NR2F1-AS1: variants seen among roughly 807,000 people sequenced by gnomAD.
The protein encoded by NR2F1-AS1 is NR2F1 antisense RNA 1.
At chr5:93,584,262 C>A, upstream of NR2F1-AS1, 1 of 149,250 alleles carries the variant, frequency 6.7e-6, no homozygotes, top group South Asian at 1.9e-4. Context: ...CAGCGGCGCT[C>A]GCCGCAGCAG....
chr5:93,483,785 T>C (rs781609259), intron 4 of NR2F1-AS1, among the ~76,000 whole-genome samples: 7 of 152,100 alleles, frequency 4.6e-5, no homozygotes, highest in Admixed American at 2.0e-4. Flanking sequence ...AAACACAGCA[T>C]AAGAACTTCG....
At chr5:93,571,498 C>T (rs192777450) in intron 1 of NR2F1-AS1, among the ~76,000 whole-genome samples, 1 of 150,700 alleles carries the variant, frequency 6.6e-6, no homozygotes, top group Non-Finnish European at 1.5e-5. Context: ...CACATGGAGA[C>T]TGACACACTT....
At position 93,496,841 on chromosome 5, in the gene NR2F1-AS1, G is replaced by A. The variant is rs568945911; in HGVS notation, n.638+56920C>T. Among the ~76,000 whole-genome samples, 552 of 152,212 alleles carry A rather than the reference G, an allele frequency of 3.6e-3. 3 individuals carry two copies. The highest frequency in any genetic ancestry group is 6.2e-3 in the Non-Finnish European group (423 of 68,004). On this transcript the variant is annotated intron_variant and non_coding_transcript_variant, in intron 4 of 5. Coordinates refer to ENST00000660523, the Ensembl canonical transcript of NR2F1-AS1. Reference sequence around the variant, plus strand: ...ATTCTTGGATGTATAATAAAGAGACGGTCACATCTTTGCCAGCAAAAGAAA... The same window carrying A: ...ATTCTTGGATGTATAATAAAGAGACAGTCACATCTTTGCCAGCAAAAGAAA...
intron 4 of NR2F1-AS1, among the ~76,000 whole-genome samples, chr5:93,457,120 C>G (rs1354966404): frequency 1.3e-5 from 2 of 152,146 alleles, no homozygotes; most frequent in Non-Finnish European, 2.9e-5. Context: ...TGCAAAGAGG[C>G]CTTCCTCTTT....
At chr5:93,432,559 G>T (rs763923107) in intron 4 of NR2F1-AS1, 1 of 152,174 alleles carries the variant, frequency 6.6e-6, no homozygotes, top group Non-Finnish European at 1.5e-5. Context: ...CCAATCACTT[G>T]TGTCCTGGAG....
At chr5:93,493,518 G>C (rs1479416555) in intron 4 of NR2F1-AS1, among the ~76,000 whole-genome samples, 4 of 152,148 alleles carry the variant, frequency 2.6e-5, no homozygotes, top group Admixed American at 6.6e-5. Flanking sequence ...ATATGGAACT[G>C]TACAGAACCC....
intron 4 of NR2F1-AS1, among the ~76,000 whole-genome samples, chr5:93,504,755 A>G (rs1249240516): frequency 2.0e-5 from 3 of 152,122 alleles, no homozygotes; most frequent in Admixed American, 1.3e-4. Context: ...AGCACAGGAA[A>G]GATCAGCCCC....
intron 4 of NR2F1-AS1, among the ~76,000 whole-genome samples, chr5:93,493,533 T>C (rs887445503): frequency 1.3e-5 from 2 of 151,980 alleles, no homozygotes; most frequent in African/African-American, 4.8e-5. Flanking sequence ...GAACCCCAAA[T>C]AGCCAAAACA....
chr5:93,475,247 A>G (rs1160858575), intron 4 of NR2F1-AS1, among the ~76,000 whole-genome samples: 2 of 152,208 alleles, frequency 1.3e-5, no homozygotes, highest in East Asian at 3.9e-4. Flanking sequence ...ATATGATCCA[A>G]AAAGTTAAAA....
intron 4 of NR2F1-AS1, among the ~76,000 whole-genome samples, chr5:93,430,208 G>C (rs547485944): frequency 6.6e-6 from 1 of 152,180 alleles, no homozygotes; most frequent in Non-Finnish European, 1.5e-5. Context: ...TCAAAGTGGC[G>C]GGGGATGTCA....
intron 4 of NR2F1-AS1, among the ~76,000 whole-genome samples, chr5:93,425,528 A>G (rs1279871782): frequency 6.6e-6 from 1 of 152,196 alleles, no homozygotes; most frequent in African/African-American, 2.4e-5. Context: ...TAGAAGCAGG[A>G]AAGGGAAATT....
At position 93,507,331 on chromosome 5, in the gene NR2F1-AS1, TTTTG is replaced by T. The variant is rs1751206225; in HGVS notation, n.638+46426_638+46429del. Among the ~76,000 whole-genome samples the T allele has an allele frequency of 1.1e-3, 7 of 6,504 alleles. No homozygotes were observed. In the South Asian group the frequency reaches 0.044, roughly 41 times the overall value. The allele number at this position is 6,504 out of a possible 152,430, so 4.3% of individuals were successfully genotyped here. ...CCAGTTTTTTGGGATTTGGGGTTTT[TTTTG>T]TTTTGTTTTGTTTTGTTTTGTTTTG... is the stretch of plus-strand genomic sequence containing the variant. On this transcript the variant is annotated intron_variant and non_coding_transcript_variant, in intron 4 of 5. Coordinates refer to ENST00000660523, the Ensembl canonical transcript of NR2F1-AS1.
intron 4 of NR2F1-AS1, among the ~76,000 whole-genome samples, chr5:93,505,937 T>C (rs1197787278): frequency 2.0e-5 from 3 of 152,158 alleles, no homozygotes; most frequent in Non-Finnish European, 2.9e-5. Flanking sequence ...CTGGCTTGAA[T>C]TTCTCCTCAG....
intron 4 of NR2F1-AS1, among the ~76,000 whole-genome samples, chr5:93,453,716 C>CA (rs1246470974): frequency 6.6e-6 from 1 of 151,610 alleles, no homozygotes; most frequent in Non-Finnish European, 1.5e-5. Context: ...AGTACTGAAA[C>CA]AAAAAACAAA....
intron 4 of NR2F1-AS1, among the ~76,000 whole-genome samples, chr5:93,487,858 A>G (rs148915170): frequency 0.043 from 6,578 of 152,288 alleles, 359 homozygotes; most frequent in Admixed American, 0.16. Context: ...ACAAGGCTAC[A>G]GTATTCAAAA....
chr5:93,565,153 T>C (rs1752588581), intron 1 of NR2F1-AS1, among the ~76,000 whole-genome samples: 1 of 152,182 alleles, frequency 6.6e-6, no homozygotes, highest in Non-Finnish European at 1.5e-5. Flanking sequence ...CTGTGACTTA[T>C]TATATAGTCT....
chr5:93,568,523 A>G (rs919008170), intron 1 of NR2F1-AS1, among the ~76,000 whole-genome samples: 4 of 152,260 alleles, frequency 2.6e-5, no homozygotes, highest in Non-Finnish European at 4.4e-5. Flanking sequence ...GTGAGAAGTC[A>G]GTAAAAGAAA....
chr5:93,435,687 C>A (rs182017926), intron 4 of NR2F1-AS1, among the ~76,000 whole-genome samples: 1 of 152,288 alleles, frequency 6.6e-6, no homozygotes, highest in Non-Finnish European at 1.5e-5. Flanking sequence ...CCCCCATTTC[C>A]TTCAAGTCAT....
At chr5:93,502,999 G>T (rs182101769) in intron 4 of NR2F1-AS1, among the ~76,000 whole-genome samples, 87 of 152,206 alleles carry the variant, frequency 5.7e-4, no homozygotes, top group African/African-American at 2.1e-3. Flanking sequence ...CTATGGGAAA[G>T]GAGAGAAAAG....
Sources: gnomAD v4.1 joint callset for allele counts (sites outside exome capture counted in the v4.1 genomes callset) on GRCh38, gnomAD v4.1.1 for gene constraint, MANE v1.5 for transcripts, NCBI Gene and HGNC (gene_info 2026-07-23, HGNC 2026-07-21) for gene names.